Variants in NRAP observed in about 807,000 individuals in gnomAD.
NRAP encodes nebulin-related-anchoring protein.
NRAP carries 189 observed loss-of-function variants against 225.9 expected under a neutral mutation model. The observed-to-expected ratio is 0.84, with a 90% CI of 0.74 to 0.94. The LOEUF is 0.94. NRAP is among the 40% of genes least tolerant of loss of function. The pLI, the probability that NRAP is intolerant of heterozygous loss-of-function variation, is 0.00. For synonymous variants in NRAP, 769 were observed against 790.7 expected, an observed-to-expected ratio of 0.97 and a Z score of 0.46; for missense variants, 2,176 against 2,168.7, an observed-to-expected ratio of 1.00 and a Z score of -0.07.
chr10:113,634,187 G>C lies in NRAP; in HGVS notation c.1452C>G (p.Asp484Glu), dbSNP rs369951451. The C allele has an allele frequency of 1.4e-5, 22 of 1,613,094 alleles. No individual in the cohort carries two copies. Among genetic ancestry groups the C allele is most frequent in the Non-Finnish European group, 3.4e-6 (4 of 1,179,222 alleles). Residue 484 changes from aspartate to glutamate, a missense_variant, in exon 15 of 42, where the codon GAC becomes GAG. Around this residue, in one of 3 missense-constraint regions of NRAP, gnomAD observed 1,708 missense variants for 1,695.5 expected, o/e 1.01. Transcript: ENST00000359988. ...CAGTCACCGAGCTGTACTTCAACTT[G>C]TCGATGCTCTGCCTATAATTGGCCT... ...LKDANYRQSI[D>E]KLKYSSVTDT...
In NRAP at chr10:113,606,171, G is replaced by T; in HGVS notation, c.3807+7C>A. The stretch of plus-strand genomic sequence containing the variant: ...CATGCTTGAACTTAAGTAACAAAAG[G>T]GCTTACGTCACTCAGGTTGGCTGCA... On this transcript the variant is annotated splice_region_variant and intron_variant, in intron 33 of 41. Coordinates refer to ENST00000359988, the MANE Select transcript of NRAP (RefSeq NM_198060.4). 6.2e-7 allele frequency: 1 copy of T among 1,603,182 alleles called. No individual in the cohort carries two copies. Among genetic ancestry groups the T allele is most frequent in the Non-Finnish European group, 8.5e-7 (1 of 1,170,010 alleles).
chr10:113,617,543 C>T lies in NRAP; in HGVS notation c.2885G>A (p.Arg962His), dbSNP rs767691664. 50 of 1,601,770 alleles carry T rather than the reference C, an allele frequency of 3.1e-5. No individual in the cohort carries two copies. Among genetic ancestry groups the T allele is most frequent in the East Asian group, 1.1e-4 (5 of 44,798 alleles). The change falls in exon 26 of 42, where the codon CGT becomes CAT. Residue 962 changes from arginine to histidine, a missense_variant. By Grantham distance (29) the Arg-to-His change is conservative (BLOSUM62 0). Coordinates refer to ENST00000359988, the MANE Select transcript of NRAP (RefSeq NM_198060.4). ...AAACTTCAAAGCATCTGGATGCTGA[C>T]GGTACTTCTTCTGTTGAGCAGAAAA... Reference protein sequence around the residue: ...AGELISEKKYRQHPDALKFTS... With the variant: ...AGELISEKKYHQHPDALKFTS...
At position 113,631,555 on chromosome 10, in the gene NRAP, T is replaced by C; in HGVS notation, c.1796A>G (p.Asp599Gly). The C allele has an allele frequency of 1.2e-6, 2 of 1,613,420 alleles. No homozygotes were observed. The highest frequency in any genetic ancestry group is 1.7e-6 in the Non-Finnish European group (2 of 1,179,678). Residue 599 changes from aspartate (D) to glycine (G), a missense_variant, in exon 18 of 42, where the codon GAC (aspartate) becomes GGC (glycine). Coordinates refer to ENST00000359988, the MANE Select transcript of NRAP (RefSeq NM_198060.4). The stretch of plus-strand genomic sequence containing the variant: ...CTGCAGGGAGTGCAGAAGCCTAGAG[T>C]CGGCTGTTCCCATGGCTTTGCCTTT... ...KTKGKAMGTA[D>G]SRLLHSLQIA...
chr10:113,590,351 A>G (rs572336218), intron 40 of NRAP, among the ~76,000 whole-genome samples: 1 of 152,322 alleles, frequency 6.6e-6, no homozygotes, highest in East Asian at 1.9e-4. Flanking sequence ...ATAAGTGCCA[A>G]TGGCAGGAGG....
In NRAP at chr10:113,642,921, G is replaced by T. The variant is rs79109396; in HGVS notation, c.1215+13C>A. ...AACAGTGCCCAAACAAAAGCTTAGC[G>T]TTAACAACTCACATCACTGGTAAAT... On this transcript the variant is annotated intron_variant, in intron 12 of 41. Coordinates refer to ENST00000359988, the MANE Select transcript of NRAP (RefSeq NM_198060.4). 31,373 of 1,446,330 alleles carry T rather than the reference G, an allele frequency of 0.022. 423 individuals are homozygous for T. Among genetic ancestry groups the T allele is most frequent in the Non-Finnish European group, 0.027 (27,584 of 1,026,878 alleles). 89.6% of individuals were successfully genotyped at this position (1,446,330 alleles called of 1,614,324 possible). A position where few individuals can be genotyped will look rare whatever the true frequency, so the allele number is the denominator to read the frequency against.
At chr10:113,625,324 C>T (rs1467631893) in intron 21 of NRAP, among the ~76,000 whole-genome samples, 2 of 152,204 alleles carry the variant, frequency 1.3e-5, no homozygotes, top group African/African-American at 4.8e-5. Context: ...TGCTCTGCCT[C>T]CTGCCCCTCC....
In NRAP at chr10:113,608,514, T is replaced by G. The variant is rs369763684; in HGVS notation, c.3604-2A>C. On this transcript the variant is annotated splice_acceptor_variant, in intron 31 of 41. Transcript: ENST00000359988. LOFTEE classifies it high-confidence loss of function. ...GTGGGGATGCTGCCGATATTTACTC[T>G]GAATTCACACACAAGAAGGGAAGAA... 2.5e-6 allele frequency: 4 copies of G among 1,597,316 alleles called. No homozygotes were observed. Among genetic ancestry groups the G allele is most frequent in the Admixed American group, 1.7e-5 (1 of 59,664 alleles).
At position 113,608,480 on chromosome 10, in the gene NRAP, C is replaced by T; in HGVS notation, c.3636G>A (p.Lys1212=). 1 of 1,613,290 alleles carries T rather than the reference C, an allele frequency of 6.2e-7. No individual in the cohort carries two copies. The highest frequency in any genetic ancestry group is 8.5e-7 in the Non-Finnish European group (1 of 1,179,402). Residue 1212 remains lysine, a synonymous_variant, in exon 32 of 42, where the codon AAG becomes AAA. Coordinates refer to ENST00000359988, the MANE Select transcript of NRAP (RefSeq NM_198060.4). ...SKYRQHPHSF[K]YTAVTDTPNL... The stretch of plus-strand genomic sequence containing the variant: ...TGGGAGTGTCTGTCACAGCTGTGTA[C>T]TTGAATGAGTGGGGATGCTGCCGAT...
chr10:113,622,583 A>G (rs1848061342), intron 23 of NRAP, among the ~76,000 whole-genome samples: 1 of 152,194 alleles, frequency 6.6e-6, no homozygotes, highest in South Asian at 2.1e-4. Flanking sequence ...CGAGAGTAAC[A>G]AGGACCAGAA....
At position 113,631,855 on chromosome 10, in the gene NRAP, A is replaced by G. The variant is rs1592812127; in HGVS notation, c.1740+2T>C. The G allele has an allele frequency of 1.3e-6, 2 of 1,587,636 alleles. No homozygotes were observed. The highest frequency in any genetic ancestry group is 2.2e-5 in the South Asian group (2 of 90,456). Reference sequence around the variant, plus strand: ...TTCCTGAGTTAATGAGAGGAAACGTACATTGCTAGCAAGCTCCCCAGAGGC... The same window carrying G: ...TTCCTGAGTTAATGAGAGGAAACGTGCATTGCTAGCAAGCTCCCCAGAGGC... On this transcript the variant is annotated splice_donor_variant, in intron 17 of 41. Coordinates refer to ENST00000359988, the MANE Select transcript of NRAP (RefSeq NM_198060.4). LOFTEE classifies it high-confidence loss of function.
rs1463344181 is a variant in NRAP at position 113,608,452 on chromosome 10, G to T, written c.3664C>A (p.Leu1222Ile). The change falls in exon 32 of 42, where the codon CTC (leucine) becomes ATC (isoleucine). Residue 1222 changes from leucine (L) to isoleucine (I), a missense_variant. Leu to Ile is a conservative substitution (Grantham distance 5). Transcript: ENST00000359988. ...TGGTTGCTGAATTTCGCATGAAGGA[G>T]GTTGGGAGTGTCTGTCACAGCTGTG... The part of the protein sequence containing the change: ...KYTAVTDTPN[L>I]LHAKFSNQIT... 1.2e-6 allele frequency: 2 copies of T among 1,613,502 alleles called. No individual in the cohort carries two copies. Among genetic ancestry groups the T allele is most frequent in the Non-Finnish European group, 1.7e-6 (2 of 1,179,606 alleles).
chr10:113,653,984 C>T (rs1292362682), intron 5 of NRAP, 37 bp downstream of exon 5: 2 of 1,281,920 alleles, frequency 1.6e-6, no homozygotes, highest in African/African-American at 2.9e-5. Flanking sequence ...TAAGTAATTG[C>T]TAAACCAATT....
chr10:113,659,429 T>G (rs982410181), intron 3 of NRAP, among the ~76,000 whole-genome samples: 2 of 152,166 alleles, frequency 1.3e-5, no homozygotes, highest in Admixed American at 1.3e-4. Flanking sequence ...ACTTTAGGAA[T>G]CAGAAACACA....
chr10:113,604,637 G>GT lies in NRAP; in HGVS notation c.4198_4199insA (p.Ala1400AspfsTer10). The GT allele has an allele frequency of 6.2e-7, 1 of 1,613,992 alleles. No homozygotes were observed. Reference sequence around the variant, plus strand: ...ACTCTGCAGGGCATGGGCTTTCTTGGCCCAGGCCATCTTCAGGTCCTCGGG... The same window carrying GT: ...ACTCTGCAGGGCATGGGCTTTCTTGGTCCCAGGCCATCTTCAGGTCCTCGGG... On this transcript the variant is annotated frameshift_variant, in exon 35 of 42. Transcript: ENST00000359988. LOFTEE classifies it high-confidence loss of function.
Position 113,621,900 on chromosome 10 carries a change from C to T in NRAP, c.2738G>A (p.Trp913Ter). Residue 913 changes from tryptophan (W) to a stop codon, truncating the protein, a stop_gained, in exon 24 of 42, where the codon TGG (tryptophan) becomes TAG (stop). Transcript: ENST00000359988. LOFTEE classifies it high-confidence loss of function. ...CTGTAAGCCATAAGCCTTCTTGGCCCATTCCACCTTCATGTCTGTGGGCAA... is the reference window on the plus strand; with the variant it reads ...CTGTAAGCCATAAGCCTTCTTGGCCTATTCCACCTTCATGTCTGTGGGCAA... Reference protein sequence around the residue: ...TALPTDMKVEWAKKAYGLQSD... With the variant: ...TALPTDMKVE The T allele has an allele frequency of 6.2e-7, 1 of 1,613,294 alleles. No individual in the cohort carries two copies. Among genetic ancestry groups the T allele is most frequent in the Non-Finnish European group, 8.5e-7 (1 of 1,179,302 alleles).
intron 13 of NRAP, among the ~76,000 whole-genome samples, 189 bp downstream of exon 13, chr10:113,641,176 A>G (rs1849179588): frequency 6.6e-6 from 1 of 152,248 alleles, no homozygotes; most frequent in Non-Finnish European, 1.5e-5. Context: ...AAGCCTTTGA[A>G]AATTTTCAGG....
chr10:113,622,043 C>T lies in NRAP; in HGVS notation c.2595G>A (p.Glu865=), dbSNP rs753896516. The T allele has an allele frequency of 6.8e-6, 11 of 1,614,098 alleles. No homozygotes were observed. In the African/African-American group the frequency reaches 1.1e-4, roughly 16 times the overall value. ...QSELEYKKGF[E]DTKSQCHVSL... is the part of the protein sequence containing the mutation. ...AGACGTGGCATTGGGATTTGGTGTC[C>T]TCGAATCCCTTCTTGTACTCCAGCT... The change falls in exon 24 of 42, where the codon GAG becomes GAA. Residue 865 remains glutamate (E), a synonymous_variant. Transcript: ENST00000359988.
chr10:113,589,882 G>T, intron 40 of NRAP, 85 bp from the exon 41 acceptor site: 1 of 1,450,678 alleles, frequency 6.9e-7, no homozygotes, highest in Non-Finnish European at 9.4e-7. Context: ...TAAAAAGGCA[G>T]CCACAGTATG....
At chr10:113,618,821 C>A (rs1467586099) in intron 25 of NRAP, among the ~76,000 whole-genome samples, 1 of 152,164 alleles carries the variant, frequency 6.6e-6, no homozygotes, top group Admixed American at 6.5e-5. Context: ...TGGTGGGTGC[C>A]TGTCATCTCA....
Sources: allele counts gnomAD v4.1 joint callset (sites outside exome capture counted in the v4.1 genomes callset), GRCh38; gene constraint gnomAD v4.1.1; regional missense constraint gnomAD v4.1.1; transcripts MANE v1.5; gene names NCBI Gene and HGNC (gene_info 2026-07-23, HGNC 2026-07-21).